Variants in ATF7IP observed in about 807,000 individuals in gnomAD.
ATF7IP encodes the protein activating transcription factor 7-interacting protein 1.
In ATF7IP, 23 loss-of-function variants were observed where a neutral mutation model predicts 106.4. The ratio of observed to expected loss-of-function variants is 0.22; its 90% confidence interval spans 0.16 to 0.31. The LOEUF is 0.31. Among genes scored for constraint, ATF7IP ranks in the 10% least tolerant of loss-of-function variants. The pLI is 1.00. For synonymous variants in ATF7IP, 542 were observed against 539.0 expected (o/e 1.01, Z -0.08); for missense variants, 1,334 against 1,524.3 (o/e 0.88, Z 2.08).
At position 14,497,822 on chromosome 12, in the gene ATF7IP, C is replaced by CGAA; in HGVS notation, c.3564_3566dup (p.Arg1188dup). ...GTCATGGAGTGTCCTGGAGGTGGATCGAAGCTGTGCCACTGTTGATAGCTA... is the reference window on the plus strand; with the variant it reads ...GTCATGGAGTGTCCTGGAGGTGGATCGAAGAAGCTGTGCCACTGTTGATAGCTA... On this transcript the variant is annotated inframe_insertion, in exon 15 of 15. Coordinates refer to ENST00000261168, the MANE Select transcript of ATF7IP (RefSeq NM_018179.5). 2 of 1,614,050 alleles carry CGAA rather than the reference C, an allele frequency of 1.2e-6. No individual in the cohort carries two copies.
Position 14,367,134 on chromosome 12 carries a change from T to C in ATF7IP, c.-8+1307T>C, listed in dbSNP as rs150375651. ...CCATAGACTTCATTTGTGGTTCATA[T>C]ATACAACAACTGGTTTCTTGGTTGG... On this transcript the variant is annotated intron_variant, in intron 1 of 14. Coordinates refer to ENST00000261168, the MANE Select transcript of ATF7IP (RefSeq NM_018179.5). Among the ~76,000 whole-genome samples, 418 of 152,306 alleles carry C rather than the reference T, an allele frequency of 2.7e-3. 1 individual carries two copies. Among genetic ancestry groups the C allele is most frequent in the African/African-American group, 9.3e-3 (387 of 41,574 alleles).
At chr12:14,379,751 T>A (rs1938922942) in intron 1 of ATF7IP, among the ~76,000 whole-genome samples, 1 of 152,228 alleles carries the variant, frequency 6.6e-6, no homozygotes, top group African/African-American at 2.4e-5. Flanking sequence ...CTCCATTATC[T>A]TCTTCCTACT....
chr12:14,420,717 T>C (rs1941463958), intron 1 of ATF7IP, among the ~76,000 whole-genome samples: 1 of 152,248 alleles, frequency 6.6e-6, no homozygotes, highest in Non-Finnish European at 1.5e-5. Context: ...TGACCTTGTC[T>C]GACTTGAATG....
chr12:14,403,051 G>T (rs1262893507), intron 1 of ATF7IP, among the ~76,000 whole-genome samples: 4 of 151,976 alleles, frequency 2.6e-5, no homozygotes, highest in Non-Finnish European at 5.9e-5. Flanking sequence ...GTTTTTTTGT[G>T]TTTAAGAGAA....
chr12:14,376,715 T>G (rs1339572629), intron 1 of ATF7IP, among the ~76,000 whole-genome samples: 2 of 152,192 alleles, frequency 1.3e-5, no homozygotes, highest in Non-Finnish European at 2.9e-5. Context: ...TACTATTCTT[T>G]ATTCTCTTCA....
At chr12:14,398,481 T>C (rs1939982789) in intron 1 of ATF7IP, among the ~76,000 whole-genome samples, 1 of 151,718 alleles carries the variant, frequency 6.6e-6, no homozygotes, top group African/African-American at 2.4e-5. Context: ...GTGGTTTTTT[T>C]TTTTTGTCTT....
chr12:14,470,991 G>T (rs534809624), intron 10 of ATF7IP, among the ~76,000 whole-genome samples: 5 of 152,074 alleles, frequency 3.3e-5, no homozygotes, highest in Non-Finnish European at 7.4e-5. Context: ...AAATTTTCAT[G>T]TGTTGCATTT....
intron 5 of ATF7IP, among the ~76,000 whole-genome samples, chr12:14,438,558 G>T (rs1318929832): frequency 6.6e-6 from 1 of 152,150 alleles, no homozygotes; most frequent in Admixed American, 6.5e-5. Context: ...TCTGTTCTAT[G>T]CCTTTACTGT....
At chr12:14,431,676 G>A (rs978724229) in intron 2 of ATF7IP, among the ~76,000 whole-genome samples, 2 of 152,050 alleles carry the variant, frequency 1.3e-5, no homozygotes, top group Admixed American at 1.3e-4. Flanking sequence ...TTATAGGTGT[G>A]AGCCACCACA....
intron 13 of ATF7IP, among the ~76,000 whole-genome samples, chr12:14,486,910 T>C (rs1480518161): frequency 1.3e-5 from 2 of 152,182 alleles, no homozygotes; most frequent in Non-Finnish European, 2.9e-5. Flanking sequence ...CACAAATCTG[T>C]TTCGCAAGGC....
intron 1 of ATF7IP, among the ~76,000 whole-genome samples, chr12:14,413,653 T>C (rs1396434366): frequency 6.6e-6 from 1 of 152,176 alleles, no homozygotes; most frequent in Non-Finnish European, 1.5e-5. Context: ...AAGTTGAAAT[T>C]AATATAAATT....
At chr12:14,404,530 A>G (rs1331417477) in intron 1 of ATF7IP, among the ~76,000 whole-genome samples, 1 of 152,138 alleles carries the variant, frequency 6.6e-6, no homozygotes, top group Non-Finnish European at 1.5e-5. Flanking sequence ...TAATTTCCTT[A>G]TATTTCACAT....
chr12:14,443,961 A>T (rs913630137), intron 5 of ATF7IP, among the ~76,000 whole-genome samples: 5 of 152,212 alleles, frequency 3.3e-5, no homozygotes, highest in African/African-American at 1.2e-4. Context: ...CCAAAAAATA[A>T]AATTTTAAGA....
intron 1 of ATF7IP, among the ~76,000 whole-genome samples, chr12:14,414,249 G>GA (rs1941077940): frequency 6.6e-6 from 1 of 152,176 alleles, no homozygotes; most frequent in East Asian, 1.9e-4. Flanking sequence ...CATGTGACAT[G>GA]AGGTGTTTCC....
At chr12:14,426,365 G>A (rs1190315170) in intron 2 of ATF7IP, among the ~76,000 whole-genome samples, 1 of 151,758 alleles carries the variant, frequency 6.6e-6, no homozygotes, top group African/African-American at 2.4e-5. Flanking sequence ...CATTCTTTTA[G>A]ATTTAGACAT....
chr12:14,446,240 C>T (rs931765832), intron 5 of ATF7IP, among the ~76,000 whole-genome samples: 6 of 152,036 alleles, frequency 3.9e-5, no homozygotes, highest in Middle Eastern at 6.8e-3. Context: ...CTCTGCCTCC[C>T]GGGTTCAAGC....
chr12:14,434,488 A>G (rs1942304680), intron 3 of ATF7IP, 65 bp downstream of exon 3: 2 of 1,045,898 alleles, frequency 1.9e-6, no homozygotes, highest in African/African-American at 1.6e-5. Flanking sequence ...CTATATTTAC[A>G]ACCGTGTAAT....
chr12:14,438,303 T>C (rs776384825), intron 5 of ATF7IP, 36 bp downstream of exon 5: 3 of 1,524,802 alleles, frequency 2.0e-6, no homozygotes, highest in Non-Finnish European at 2.7e-6. Context: ...ACTCCATGTG[T>C]CATTGTTTTT....
intron 1 of ATF7IP, among the ~76,000 whole-genome samples, chr12:14,400,135 T>C (rs1173532753): frequency 6.6e-6 from 1 of 152,262 alleles, no homozygotes; most frequent in African/African-American, 2.4e-5. Context: ...TGATTCACAC[T>C]GGCGTATCAG....
Sources: allele counts gnomAD v4.1 joint callset (sites outside exome capture counted in the v4.1 genomes callset), GRCh38; gene constraint gnomAD v4.1.1; transcripts MANE v1.5; gene names NCBI Gene and HGNC (gene_info 2026-07-23, HGNC 2026-07-21).